The following ASB5 variants were observed in gnomAD, a reference collection of about 807,000 sequenced individuals.
ASB5 encodes the protein ankyrin repeat and SOCS box containing 5.
Under a neutral mutation model 42.1 loss-of-function variants are expected in ASB5, and 45 were observed. The observed-to-expected ratio is 1.07, with a 90% CI of 0.84 to 1.37. The LOEUF (loss-of-function observed/expected upper bound fraction) is 1.37, where lower values mean the gene tolerates loss of function less well. Among genes scored for constraint, ASB5 ranks in the 40% most tolerant of loss-of-function variants. ASB5 has a pLI of 0.00. For synonymous variants in ASB5, 147 were observed against 150.6 expected, an observed-to-expected ratio of 0.98 and a Z score of 0.18; for missense variants, 402 against 399.8, an observed-to-expected ratio of 1.01 and a Z score of -0.05.
intron 1 of ASB5, among the ~76,000 whole-genome samples, chr4:176,256,729 G>T (rs1410365175): frequency 1.3e-5 from 2 of 151,902 alleles, no homozygotes; most frequent in African/African-American, 4.8e-5. Context: ...GCTTGACCTC[G>T]GGAGTCTGAG....
At chr4:176,232,206 T>C (rs1430683001) in intron 1 of ASB5, among the ~76,000 whole-genome samples, 1 of 151,428 alleles carries the variant, frequency 6.6e-6, no homozygotes, top group Non-Finnish European at 1.5e-5. Flanking sequence ...CACTGCAACC[T>C]CCACCTCCCA....
Position 176,221,246 on chromosome 4 carries a change from A to T in ASB5, c.579T>A (p.Asp193Glu). 6.2e-7 allele frequency: 1 copy of T among 1,614,170 alleles called. No individual in the cohort carries two copies. The highest frequency in any genetic ancestry group is 8.5e-7 in the Non-Finnish European group (1 of 1,180,008). ...CCAAATGAGGAATTTCTTGGTCAAC[A>T]TCTATGCCCCAGGATATCAGGATGT... ...CLDILISWGI[D>E]VDQEIPHLGT... Residue 193 changes from aspartate to glutamate, a missense_variant, in exon 5 of 7, where the codon GAT becomes GAA. By Grantham distance (45) the Asp-to-Glu change is conservative. Transcript: ENST00000296525.
chr4:176,219,558 TATGTATATATTTGTATG>T (rs1561251225), intron 5 of ASB5, among the ~76,000 whole-genome samples: 1 of 64,240 alleles, frequency 1.6e-5, no homozygotes, highest in South Asian at 5.1e-4. Flanking sequence ...GATATATAAA[TATGTATATATTTGTATG>T]ATATATATAT....
At chr4:176,224,955 A>T (rs1370438001) in intron 2 of ASB5, among the ~76,000 whole-genome samples, 1 of 152,230 alleles carries the variant, frequency 6.6e-6, no homozygotes, top group African/African-American at 2.4e-5. Flanking sequence ...CATATTGTGC[A>T]GAGTTAAGCA....
intron 1 of ASB5, among the ~76,000 whole-genome samples, chr4:176,251,743 A>T (rs928724841): frequency 6.6e-6 from 1 of 151,678 alleles, no homozygotes; most frequent in Non-Finnish European, 1.5e-5. Context: ...ACTTGAATAC[A>T]TTAGCAGCCA....
chr4:176,260,241 C>T (rs564596009), intron 1 of ASB5, among the ~76,000 whole-genome samples: 15 of 152,296 alleles, frequency 9.8e-5, no homozygotes, highest in African/African-American at 3.6e-4. Flanking sequence ...ACCTTGCCCC[C>T]TCACACCACC....
At chr4:176,252,085 A>AAAAAAAAAAAAAAAAAAAAG (rs1754051450) in intron 1 of ASB5, among the ~76,000 whole-genome samples, 6 of 30,438 alleles carry the variant, frequency 2.0e-4, no homozygotes, top group African/African-American at 5.0e-4. Context: ...AAAAAAAAAG[A>AAAAAAAAAAAAAAAAAAAAG]AAAAAAAAAA....
At chr4:176,257,136 C>T (rs769145887) in intron 1 of ASB5, among the ~76,000 whole-genome samples, 7 of 152,146 alleles carry the variant, frequency 4.6e-5, no homozygotes, top group Non-Finnish European at 1.0e-4. Flanking sequence ...TGGCAAAGGA[C>T]GTTACTATCT....
At chr4:176,223,031 G>A (rs35821163) in intron 2 of ASB5, among the ~76,000 whole-genome samples, 57,751 of 151,830 alleles carry the variant, frequency 0.38, 11,270 homozygotes, top group Non-Finnish European at 0.43. Flanking sequence ...ACCCACCTTG[G>A]CCTCCCAAAG....
intron 1 of ASB5, among the ~76,000 whole-genome samples, chr4:176,234,288 A>C (rs1480945794): frequency 2.0e-5 from 3 of 152,118 alleles, no homozygotes; most frequent in African/African-American, 7.2e-5. Context: ...GGTTCTACCC[A>C]CTTTTTCCTA....
chr4:176,227,263 G>A (rs1377917076), intron 1 of ASB5, among the ~76,000 whole-genome samples: 1 of 152,170 alleles, frequency 6.6e-6, no homozygotes, highest in Non-Finnish European at 1.5e-5. Context: ...GCTTAGACTA[G>A]TGTACACACA....
At chr4:176,249,734 C>T (rs958028336) in intron 1 of ASB5, among the ~76,000 whole-genome samples, 3 of 152,076 alleles carry the variant, frequency 2.0e-5, no homozygotes, top group African/African-American at 4.8e-5. Context: ...GCAAAATTTC[C>T]AACAGCATTC....
At position 176,214,054 on chromosome 4, in the gene ASB5, C is replaced by T. The variant is rs1164607995; in HGVS notation, c.*1546G>A. The T allele has an allele frequency of 1.3e-5, 2 of 152,112 alleles. No homozygotes were observed. The highest frequency in any genetic ancestry group is 2.9e-5 in the Non-Finnish European group (2 of 67,988). 9.4% of individuals were successfully genotyped at this position (152,112 alleles called of 1,614,324 possible). A position where few individuals can be genotyped will look rare whatever the true frequency, so the allele number is the denominator to read the frequency against. Reference sequence around the variant, plus strand: ...TTCTATAAAACACATATTTAAAGGTCCCTATCCTCATATAAAACATTGTTT... The same window carrying T: ...TTCTATAAAACACATATTTAAAGGTTCCTATCCTCATATAAAACATTGTTT... On this transcript the variant is annotated 3_prime_UTR_variant, in exon 7 of 7. Coordinates refer to ENST00000296525, the MANE Select transcript of ASB5 (RefSeq NM_080874.4).
At position 176,219,243 on chromosome 4, in the gene ASB5, TATATATGTATGATATATAA is replaced by T. The variant is rs1403941427; in HGVS notation, c.670+1893_670+1911del. On this transcript the variant is annotated intron_variant, in intron 5 of 6. Transcript: ENST00000296525. ...TATATATATTTGTATGATATATAAA[TATATATGTATGATATATAA>T]ATATATATTTGTATGATATATAAAT... 1.0e-3 allele frequency among the ~76,000 whole-genome samples: 117 copies of T among 115,152 alleles called. No homozygotes were observed. In the East Asian group the frequency reaches 0.011, roughly 11 times the overall value. The allele number at this position is 115,152 out of a possible 152,430, so 75.5% of individuals were successfully genotyped here.
intron 1 of ASB5, among the ~76,000 whole-genome samples, chr4:176,250,244 G>A (rs544654199): frequency 1.3e-5 from 2 of 152,262 alleles, no homozygotes; most frequent in East Asian, 1.9e-4. Flanking sequence ...GGTCACGGGC[G>A]TGATAAATTC....
At chr4:176,228,846 A>G (rs1753448114) in intron 1 of ASB5, among the ~76,000 whole-genome samples, 1 of 152,198 alleles carries the variant, frequency 6.6e-6, no homozygotes, top group African/African-American at 2.4e-5. Flanking sequence ...CTAAGATGAA[A>G]TCTGATGCTT....
At chr4:176,265,943 A>C (rs1754348220) in intron 1 of ASB5, among the ~76,000 whole-genome samples, 1 of 152,188 alleles carries the variant, frequency 6.6e-6, no homozygotes, top group South Asian at 2.1e-4. Context: ...GGGTGATAAA[A>C]GTCTTAAGAG....
rs1443992751 is a variant in ASB5 at position 176,215,925 on chromosome 4, C to T, written c.863-198G>A. On this transcript the variant is annotated intron_variant, in intron 6 of 6. Coordinates refer to ENST00000296525, the MANE Select transcript of ASB5 (RefSeq NM_080874.4). ...ATCTTATTATAATTGAGATATATTC[C>T]ATATACATTCCTTAAAATATTATAA... is the stretch of plus-strand genomic sequence containing the variant. Among the ~76,000 whole-genome samples the T allele has an allele frequency of 4.0e-5, 6 of 151,830 alleles. No homozygotes were observed. The East Asian group carries it at 1.2e-3, about 29-fold the overall frequency.
At chr4:176,256,087 C>T (rs995470191) in intron 1 of ASB5, among the ~76,000 whole-genome samples, 8 of 152,144 alleles carry the variant, frequency 5.3e-5, no homozygotes, top group Non-Finnish European at 1.2e-4. Flanking sequence ...ACGTTACTCT[C>T]AAGTTTGCAG....
Sources: gnomAD v4.1 joint callset for allele counts (sites outside exome capture counted in the v4.1 genomes callset) on GRCh38, gnomAD v4.1.1 for gene constraint, MANE v1.5 for transcripts, NCBI Gene and HGNC (gene_info 2026-07-23, HGNC 2026-07-21) for gene names.